Variants in SHLD2 observed in about 807,000 individuals in gnomAD.
SHLD2 encodes RINN1-REV7-interacting novel NHEJ regulator 2.
Under a neutral mutation model 73.2 loss-of-function variants are expected in SHLD2, and 30 were observed. The observed-to-expected ratio is 0.41, with a 90% CI of 0.31 to 0.56. SHLD2 has a LOEUF of 0.56. Ranked by LOEUF, SHLD2 falls within the 20% of genes least tolerant of loss-of-function variation. The probability of loss-of-function intolerance (pLI) is 0.28; values close to 1 mark genes in which losing one functional copy is unlikely to be tolerated. For missense variants in SHLD2, 745 were observed against 1,055.9 expected (o/e 0.71, Z 4.08); for synonymous variants, 285 against 370.1 (o/e 0.77, Z 2.64).
chr10:87,124,770 GAA>G (rs1564585815), intron 2 of SHLD2, among the ~76,000 whole-genome samples: 2 of 137,270 alleles, frequency 1.5e-5, no homozygotes, highest in East Asian at 4.5e-4. Flanking sequence ...TTTTGAGACA[GAA>G]TCTTGCTCCA....
chr10:87,155,188 G>A (rs1348876820), intron 3 of SHLD2, among the ~76,000 whole-genome samples: 2 of 152,122 alleles, frequency 1.3e-5, no homozygotes, highest in Admixed American at 6.5e-5. Context: ...GCCCGCCTCA[G>A]CCTCCCAAAG....
intron 3 of SHLD2, among the ~76,000 whole-genome samples, chr10:87,156,977 T>C (rs1319191734): frequency 6.6e-6 from 1 of 152,100 alleles, no homozygotes; most frequent in East Asian, 1.9e-4. Context: ...GAATGTGTAA[T>C]GTAAAACAGT....
At chr10:87,142,180 T>G (rs1445453502) in intron 2 of SHLD2, among the ~76,000 whole-genome samples, 1 of 152,232 alleles carries the variant, frequency 6.6e-6, no homozygotes, top group African/African-American at 2.4e-5. Flanking sequence ...AAAAACCAGT[T>G]ATTTACCCCA....
At chr10:87,127,201 A>T (rs1039447697) in intron 2 of SHLD2, among the ~76,000 whole-genome samples, 2 of 151,960 alleles carry the variant, frequency 1.3e-5, no homozygotes, top group African/African-American at 4.8e-5. Flanking sequence ...CAAGTTTTAT[A>T]ACAAAGTATA....
intron 2 of SHLD2, among the ~76,000 whole-genome samples, chr10:87,127,525 A>ATCCTCCCC (rs1844095323): frequency 3.4e-5 from 1 of 29,002 alleles, no homozygotes; most frequent in African/African-American, 2.4e-4. Context: ...TGTCCCTCTT[A>ATCCTCCCC]CCCGCCCCCC....
At chr10:87,119,745 T>C (rs1421754042) in intron 2 of SHLD2, among the ~76,000 whole-genome samples, 7 of 147,666 alleles carry the variant, frequency 4.7e-5, no homozygotes, top group Non-Finnish European at 1.0e-4. Flanking sequence ...GCCACTGCAC[T>C]CCAGCCTGGG....
chr10:87,142,759 TTC>T (rs1272578738), intron 2 of SHLD2, among the ~76,000 whole-genome samples: 1 of 148,478 alleles, frequency 6.7e-6, no homozygotes. Flanking sequence ...GCAAAGTTCT[TTC>T]TTTTTTTTTT....
At chr10:87,095,542 G>A (rs1190396012) in intron 1 of SHLD2, among the ~76,000 whole-genome samples, 3 of 152,216 alleles carry the variant, frequency 2.0e-5, no homozygotes, top group Admixed American at 6.5e-5. Context: ...CCGCCGCCGC[G>A]TAAGGCCGGG....
At chr10:87,187,061 C>T (rs538662144) in intron 8 of SHLD2, 24 bp from the exon 9 acceptor site, 10 of 1,397,266 alleles carry the variant, frequency 7.2e-6, no homozygotes, top group South Asian at 3.5e-5. Flanking sequence ...TTTTGAAGGT[C>T]GTGTGTTGTT....
At chr10:87,156,646 T>C (rs1035731825) in intron 3 of SHLD2, among the ~76,000 whole-genome samples, 8 of 152,170 alleles carry the variant, frequency 5.3e-5, no homozygotes, top group African/African-American at 7.2e-5. Flanking sequence ...ATCCCCTCCA[T>C]GCACCACTAG....
chr10:87,105,962 G>A (rs1241939882), intron 2 of SHLD2, among the ~76,000 whole-genome samples: 2 of 152,180 alleles, frequency 1.3e-5, no homozygotes, highest in Non-Finnish European at 2.9e-5. Context: ...CAGGCAGACT[G>A]TGCCAGCCAG....
chr10:87,104,801 C>T (rs574660604), intron 2 of SHLD2, among the ~76,000 whole-genome samples: 32 of 151,874 alleles, frequency 2.1e-4, no homozygotes, highest in African/African-American at 7.0e-4. Flanking sequence ...GCTGGGATTA[C>T]AGGTGCCTGC....
chr10:87,124,505 C>T (rs1396447413), intron 2 of SHLD2, among the ~76,000 whole-genome samples: 1 of 152,104 alleles, frequency 6.6e-6, no homozygotes, highest in East Asian at 1.9e-4. Flanking sequence ...CACTGCACTC[C>T]AGCCTGGGTA....
intron 2 of SHLD2, among the ~76,000 whole-genome samples, chr10:87,132,359 A>C (rs1268815694): frequency 6.6e-6 from 1 of 152,240 alleles, no homozygotes; most frequent in Non-Finnish European, 1.5e-5. Context: ...TACTTAAGAC[A>C]GAAAGGGAAG....
chr10:87,112,467 C>A (rs1842990177), intron 2 of SHLD2, among the ~76,000 whole-genome samples: 1 of 151,942 alleles, frequency 6.6e-6, no homozygotes, highest in African/African-American at 2.4e-5. Context: ...AAGTTAGAGA[C>A]CAGCCTGGGC....
At chr10:87,153,226 C>T (rs1438303189) in intron 3 of SHLD2, among the ~76,000 whole-genome samples, 1 of 152,064 alleles carries the variant, frequency 6.6e-6, no homozygotes, top group African/African-American at 2.4e-5. Context: ...AATTTGAGAC[C>T]AGCCTTGGCA....
At chr10:87,139,986 G>A (rs79832273) in intron 2 of SHLD2, among the ~76,000 whole-genome samples, 24,432 of 152,104 alleles carry the variant, frequency 0.16, 2,074 homozygotes, top group African/African-American at 0.19. Flanking sequence ...TATTCACATT[G>A]AAGCACAAAG....
intron 2 of SHLD2, among the ~76,000 whole-genome samples, chr10:87,111,105 G>A (rs896600106): frequency 3.9e-5 from 6 of 152,100 alleles, no homozygotes; most frequent in East Asian, 1.9e-4. Flanking sequence ...GCCTCCCAAC[G>A]TGCTGGGATT....
chr10:87,190,402 A>C, intron 9 of SHLD2, 82 bp from the exon 10 acceptor site: 2 of 1,194,310 alleles, frequency 1.7e-6, no homozygotes, highest in Non-Finnish European at 2.5e-6. Flanking sequence ...AGGAACCAAA[A>C]GAAACAATGA....
Sources: gnomAD v4.1 joint callset for allele counts (sites outside exome capture counted in the v4.1 genomes callset) on GRCh38, gnomAD v4.1.1 for gene constraint, MANE v1.5 for transcripts, NCBI Gene and HGNC (gene_info 2026-07-23, HGNC 2026-07-21) for gene names.